The following ARHGAP12 variants were observed in gnomAD, a reference collection of about 807,000 sequenced individuals.
ARHGAP12 encodes Rho GTPase activating protein 12.
Under a neutral mutation model 108.6 loss-of-function variants are expected in ARHGAP12, and 64 were observed. That is an observed-to-expected ratio of 0.59 (90% CI 0.48 to 0.73). The LOEUF (loss-of-function observed/expected upper bound fraction) is 0.73. ARHGAP12 is among the 30% of genes least tolerant of loss of function. The probability of loss-of-function intolerance (pLI) is 0.00; values close to 1 mark genes in which losing one functional copy is unlikely to be tolerated. For missense variants in ARHGAP12, 940 were observed against 1,005.9 expected, an observed-to-expected ratio of 0.93 and a Z score of 0.89; for synonymous variants, 312 against 337.2, an observed-to-expected ratio of 0.93 and a Z score of 0.82.
intron 3 of ARHGAP12, among the ~76,000 whole-genome samples, chr10:31,891,383 T>C (rs1330967917): frequency 6.6e-6 from 1 of 152,244 alleles, no homozygotes; most frequent in Non-Finnish European, 1.5e-5. Context: ...GAAAATTATT[T>C]TCTTTAAGAA....
intron 10 of ARHGAP12, among the ~76,000 whole-genome samples, chr10:31,831,089 T>C (rs575103269): frequency 2.0e-4 from 31 of 152,208 alleles, no homozygotes; most frequent in Non-Finnish European, 3.4e-4. Flanking sequence ...AAATGTAATA[T>C]TACATGTACT....
chr10:31,898,285 T>C (rs1254762716), intron 3 of ARHGAP12, among the ~76,000 whole-genome samples: 2 of 152,166 alleles, frequency 1.3e-5, no homozygotes, highest in African/African-American at 2.4e-5. Flanking sequence ...AAGGAAAATA[T>C]ATAAATAGCA....
intron 3 of ARHGAP12, among the ~76,000 whole-genome samples, chr10:31,906,885 A>C (rs1839154606): frequency 6.6e-6 from 1 of 152,204 alleles, no homozygotes; most frequent in South Asian, 2.1e-4. Context: ...GAGGAGCTAA[A>C]TATAGAAAAA....
At chr10:31,865,228 T>C (rs1837278636) in intron 3 of ARHGAP12, among the ~76,000 whole-genome samples, 1 of 152,068 alleles carries the variant, frequency 6.6e-6, no homozygotes, top group Admixed American at 6.5e-5. Flanking sequence ...TTTAAAATAT[T>C]ACAGATTTTA....
At chr10:31,855,141 GA>G (rs1435282170) in intron 4 of ARHGAP12, among the ~76,000 whole-genome samples, 2 of 92,824 alleles carry the variant, frequency 2.2e-5, no homozygotes, top group African/African-American at 4.3e-5. Context: ...AAGGGGAGGG[GA>G]AAGGGAGGGG....
rs1334702284 is a variant in ARHGAP12, at chr10:31,805,709, G to A, written c.*1949C>T. On this transcript the variant is annotated 3_prime_UTR_variant, in exon 20 of 20. Coordinates refer to ENST00000344936, the MANE Select transcript of ARHGAP12 (RefSeq NM_018287.7). ...ACGTACCTTGAAACAAGAAACACAG[G>A]ACAATTTTAATCTTTGATATATGTT... is the stretch of plus-strand genomic sequence containing the variant. The A allele has an allele frequency of 6.9e-6, 1 of 145,736 alleles. No homozygotes were observed. The highest frequency in any genetic ancestry group is 1.5e-5 in the Non-Finnish European group (1 of 66,976). The allele number at this position is 145,736 out of a possible 1,614,324, so 9.0% of individuals were successfully genotyped here.
chr10:31,907,974 T>C (rs772699897), intron 3 of ARHGAP12, among the ~76,000 whole-genome samples, 198 bp downstream of exon 3: 24 of 152,226 alleles, frequency 1.6e-4, no homozygotes, highest in Non-Finnish European at 3.5e-4. Flanking sequence ...AGAATAATTA[T>C]GAAAACCAAA....
At chr10:31,886,260 T>A (rs1292446653) in intron 3 of ARHGAP12, among the ~76,000 whole-genome samples, 1 of 152,202 alleles carries the variant, frequency 6.6e-6, no homozygotes, top group Non-Finnish European at 1.5e-5. Flanking sequence ...ACACAGAACA[T>A]TTTTAATGTA....
chr10:31,907,492 G>C (rs1839181781), intron 3 of ARHGAP12, among the ~76,000 whole-genome samples: 1 of 151,632 alleles, frequency 6.6e-6, no homozygotes, highest in South Asian at 2.1e-4. Flanking sequence ...TAATTAGCTG[G>C]CTGTGGTGGC....
intron 3 of ARHGAP12, among the ~76,000 whole-genome samples, chr10:31,874,276 T>C (rs567373141): frequency 3.3e-5 from 5 of 152,308 alleles, no homozygotes; most frequent in African/African-American, 1.2e-4. Flanking sequence ...CTGAATATTC[T>C]TTTTTTGTTT....
At chr10:31,925,787 C>T (rs781595685) in intron 1 of ARHGAP12, among the ~76,000 whole-genome samples, 1 of 152,138 alleles carries the variant, frequency 6.6e-6, no homozygotes, top group Admixed American at 6.5e-5. Context: ...ATACAGCAGT[C>T]ACTAGTCAAA....
chr10:31,924,836 C>T (rs1217119794), intron 1 of ARHGAP12, among the ~76,000 whole-genome samples: 2 of 151,796 alleles, frequency 1.3e-5, no homozygotes, highest in African/African-American at 4.8e-5. Flanking sequence ...GCCTGTAAAA[C>T]AAAGCAAACA....
At chr10:31,839,471 A>G (rs548866852) in intron 8 of ARHGAP12, 152 bp from the exon 9 acceptor site, 3 of 1,108,016 alleles carry the variant, frequency 2.7e-6, no homozygotes, top group East Asian at 5.4e-5. Context: ...GGGACTTTTA[A>G]ATCAATAAAA....
chr10:31,817,674 A>AT, intron 13 of ARHGAP12, 114 bp downstream of exon 13: 1 of 625,750 alleles, frequency 1.6e-6, no homozygotes, highest in Non-Finnish European at 2.7e-6. Context: ...TCTGTCAAAC[A>AT]TATATAAAGT....
At chr10:31,820,578 T>C in intron 11 of ARHGAP12, 90 bp from the exon 12 acceptor site, 2 of 646,922 alleles carry the variant, frequency 3.1e-6, no homozygotes, top group South Asian at 3.4e-5. Flanking sequence ...ATATTAACAA[T>C]AAATCAAATA....
chr10:31,917,823 T>A (rs1839625537), intron 1 of ARHGAP12, among the ~76,000 whole-genome samples: 1 of 152,220 alleles, frequency 6.6e-6, no homozygotes, highest in South Asian at 2.1e-4. Context: ...AACATTGGGA[T>A]ATCAAGAGTC....
chr10:31,839,516 T>A, intron 8 of ARHGAP12, 121 bp downstream of exon 8: 1 of 1,171,106 alleles, frequency 8.5e-7, no homozygotes, highest in Admixed American at 2.9e-5. Context: ...TGTGATTTTT[T>A]AGAAAAACCA....
chr10:31,846,981 G>T (rs997108412), intron 6 of ARHGAP12, among the ~76,000 whole-genome samples: 6 of 131,642 alleles, frequency 4.6e-5, no homozygotes, highest in Non-Finnish European at 7.7e-5. Context: ...CTATCTTCAA[G>T]ATCATAGATT....
intron 1 of ARHGAP12, 45 bp from the exon 2 acceptor site, chr10:31,910,608 G>C (rs930970855): frequency 6.6e-6 from 1 of 152,208 alleles, no homozygotes; most frequent in Non-Finnish European, 1.5e-5. Context: ...CAAGATCGCT[G>C]AAGACTAAGA....
Sources: allele counts gnomAD v4.1 joint callset (sites outside exome capture counted in the v4.1 genomes callset), GRCh38; gene constraint gnomAD v4.1.1; transcripts MANE v1.5; gene names NCBI Gene and HGNC (gene_info 2026-07-23, HGNC 2026-07-21).